MOS: variants seen among roughly 807,000 people sequenced by gnomAD.
MOS encodes the protein MOS proto-oncogene, serine/threonine kinase, also known as proto-oncogene serine/threonine-protein kinase mos.
For synonymous variants in MOS, 190 were observed against 205.2 expected (o/e 0.93, Z 0.63); for missense variants, 419 against 459.6 (o/e 0.91, Z 0.81).
rs1201766185 is a variant in MOS, at chr8:56,113,623, C to A, written c.360G>T (p.Val120=). The A allele has an allele frequency of 3.1e-6, 5 of 1,612,834 alleles. No homozygotes were observed. Among genetic ancestry groups the A allele is most frequent in the Non-Finnish European group, 4.2e-6 (5 of 1,179,744 alleles). ...CGGGCGTGCGCGTGCTGGCAGCCAC[C>A]ACGCGCACGATGTTATCGTGGCGCA... ...ARLRHDNIVR[V]VAASTRTPAG... Residue 120 remains valine, a synonymous_variant, in exon 1 of 1, where the codon GTG becomes GTT. Transcript: ENST00000311923. This position sits in a 1 kb window ranked among gnomAD's most constrained non-coding sequence, Gnocchi z 5.7.
chr8:56,113,762 A>C lies in MOS; in HGVS notation c.221T>G (p.Val74Gly), dbSNP rs747386334. ...AACACCGCGGTAAGTCGCCTTGTACACCGAGCCAAACCCTCCAGCTCCCAG... is the reference window on the plus strand; with the variant it reads ...AACACCGCGGTAAGTCGCCTTGTACCCCGAGCCAAACCCTCCAGCTCCCAG... ...QRLGAGGFGS[V>G]YKATYRGVPV... The change falls in exon 1 of 1, where the codon GTG becomes GGG. Residue 74 changes from valine to glycine, a missense_variant. Coordinates refer to ENST00000311923, the MANE Select transcript of MOS (RefSeq NM_005372.1). The surrounding 1 kb of genome is among the most constrained non-coding windows in gnomAD (Gnocchi z 5.7). The C allele has an allele frequency of 4.3e-6, 7 of 1,613,692 alleles. No individual in the cohort carries two copies. The Admixed American group carries it at 6.7e-5, about 15-fold the overall frequency.
Position 56,113,924 on chromosome 8 carries a change from T to C in MOS, c.59A>G (p.Asp20Gly), listed in dbSNP as rs1585745158. 6.3e-7 allele frequency: 1 copy of C among 1,579,210 alleles called. No individual in the cohort carries two copies. The highest frequency in any genetic ancestry group is 8.5e-7 in the Non-Finnish European group (1 of 1,169,980). Reference sequence around the variant, plus strand: ...TGAGGGACTGCTGCAGGGCCGCGCGTCCACCGATGGGGAAAACTCGCTCCG... The same window carrying C: ...TGAGGGACTGCTGCAGGGCCGCGCGCCCACCGATGGGGAAAACTCGCTCCG... ...YLRSEFSPSV[D>G]ARPCSSPSEL... is the part of the protein sequence containing the mutation. Residue 20 changes from aspartate (D) to glycine (G), a missense_variant, in exon 1 of 1, where the codon GAC becomes GGC. Transcript: ENST00000311923. This position sits in a 1 kb window ranked among gnomAD's most constrained non-coding sequence, Gnocchi z 5.7.
At position 56,113,043 on chromosome 8, in the gene MOS, C is replaced by A; in HGVS notation, c.940G>T (p.Gly314Trp). 1 of 1,597,746 alleles carries A rather than the reference C, an allele frequency of 6.3e-7. No individual in the cohort carries two copies. Among genetic ancestry groups the A allele is most frequent in the Non-Finnish European group, 8.5e-7 (1 of 1,172,130 alleles). ...FEDSLPGQRL[G>W]DVIQRCWRPS... The stretch of plus-strand genomic sequence containing the variant: ...CTCCAGCAGCGCTGGATGACGTCCC[C>A]AAGGCGCTGCCCGGGGAGCGAGTCC... The change falls in exon 1 of 1, where the codon GGG becomes TGG. Residue 314 changes from glycine to tryptophan, a missense_variant. Gly to Trp is a radical substitution (Grantham distance 184, BLOSUM62 -2). Coordinates refer to ENST00000311923, the MANE Select transcript of MOS (RefSeq NM_005372.1). The surrounding 1 kb of genome is among the most constrained non-coding windows in gnomAD (Gnocchi z 5.7).
In MOS at chr8:56,113,438, GAGT is replaced by G. The variant is rs777366450; in HGVS notation, c.542_544del (p.Tyr181del). The G allele has an allele frequency of 4.3e-6, 7 of 1,613,984 alleles. No individual in the cohort carries two copies. Among genetic ancestry groups the G allele is most frequent in the Non-Finnish European group, 5.1e-6 (6 of 1,180,030 alleles). ...GAGCAGGCCGTTCACAACATCTAGT[GAGT>G]ACTTGAGACACTTTCCCAAACTTAA... On this transcript the variant is annotated inframe_deletion, in exon 1 of 1. Transcript: ENST00000311923. The surrounding 1 kb of genome is among the most constrained non-coding windows in gnomAD (Gnocchi z 5.7).
chr8:56,113,123 A>G lies in MOS; in HGVS notation c.860T>C (p.Leu287Pro). 6.2e-7 allele frequency: 1 copy of G among 1,613,928 alleles called. No individual in the cohort carries two copies. Among genetic ancestry groups the G allele is most frequent in the Non-Finnish European group, 8.5e-7 (1 of 1,179,982 alleles). ...APYSGERQHI[L>P]YAVVAYDLRP... ...CAGGTCGTAGGCCACCACCGCGTAC[A>G]GTATGTGCTGCCGCTCCCCCGAATA... Residue 287 changes from leucine (L) to proline (P), a missense_variant, in exon 1 of 1, where the codon CTG becomes CCG. Transcript: ENST00000311923. The surrounding 1 kb of genome is among the most constrained non-coding windows in gnomAD (Gnocchi z 5.7).
chr8:56,113,839 G>C lies in MOS; in HGVS notation c.144C>G (p.Arg48=). Residue 48 remains arginine (R), a synonymous_variant, in exon 1 of 1, where the codon CGC becomes CGG. Transcript: ENST00000311923. This position sits in a 1 kb window ranked among gnomAD's most constrained non-coding sequence, Gnocchi z 5.7. Reference sequence around the variant, plus strand: ...AGTCAATGGAGCACCAGGCCAGCCGGCGCGGCAGCCGCGGGGCCCGAGGAA... The same window carrying C: ...AGTCAATGGAGCACCAGGCCAGCCGCCGCGGCAGCCGCGGGGCCCGAGGAA... ...ATLPRAPRLP[R]RLAWCSIDWE... 1.2e-6 allele frequency: 2 copies of C among 1,609,858 alleles called. No individual in the cohort carries two copies. Among genetic ancestry groups the C allele is most frequent in the South Asian group, 2.2e-5 (2 of 90,584 alleles).
In MOS at chr8:56,113,242, G is replaced by T; in HGVS notation, c.741C>A (p.Ala247=). The T allele has an allele frequency of 1.2e-6, 2 of 1,613,916 alleles. No homozygotes were observed. The highest frequency in any genetic ancestry group is 1.7e-6 in the Non-Finnish European group (2 of 1,180,012). The change falls in exon 1 of 1, where the codon GCC becomes GCA. Residue 247 remains alanine, a synonymous_variant. Transcript: ENST00000311923. The surrounding 1 kb of genome is among the most constrained non-coding windows in gnomAD (Gnocchi z 5.7). The stretch of plus-strand genomic sequence containing the variant: ...CGCCCTCTCCTTTCAGGAGCTCCGG[G>T]GCGCGGTGGGTGTATGTGCCTCCTA... ...YPLGGTYTHR[A]PELLKGEGVT...
Position 56,113,466 on chromosome 8 carries a change from A to G in MOS, c.517T>C (p.Leu173=). The G allele has an allele frequency of 6.2e-7, 1 of 1,613,858 alleles. No homozygotes were observed. Among genetic ancestry groups the G allele is most frequent in the Non-Finnish European group, 8.5e-7 (1 of 1,179,964 alleles). ...TACTTGAGACACTTTCCCAAACTTA[A>G]CTGTCCTCCAGTGCGGCAGTGAGGC... ...GEPHCRTGGQ[L]SLGKCLKYSL... is the part of the protein sequence containing the mutation. Residue 173 remains leucine, a synonymous_variant, in exon 1 of 1, where the codon TTA becomes CTA. Transcript: ENST00000311923. This position sits in a 1 kb window ranked among gnomAD's most constrained non-coding sequence, Gnocchi z 5.7.
Position 56,113,154 on chromosome 8 carries a change from C to G in MOS, c.829G>C (p.Ala277Pro). Residue 277 changes from alanine (A) to proline (P), a missense_variant, in exon 1 of 1, where the codon GCG becomes CCG. Physicochemically the swap from Ala to Pro is conservative, Grantham distance 27 (BLOSUM62 -1). Transcript: ENST00000311923. This position sits in a 1 kb window ranked among gnomAD's most constrained non-coding sequence, Gnocchi z 5.7. ...TGCTGCCGCTCCCCCGAATACGGCG[C>G]CTGCTTGGTAGTCATTTGCCAGAGA... The part of the protein sequence containing the change: ...ITLWQMTTKQ[A>P]PYSGERQHIL... The G allele has an allele frequency of 6.2e-7, 1 of 1,614,074 alleles. No individual in the cohort carries two copies. The highest frequency in any genetic ancestry group is 8.5e-7 in the Non-Finnish European group (1 of 1,180,026).
chr8:56,113,947 C>G lies in MOS; in HGVS notation c.36G>C (p.Arg12=), dbSNP rs751752878. Residue 12 remains arginine, a synonymous_variant, in exon 1 of 1, where the codon CGG becomes CGC. Coordinates refer to ENST00000311923, the MANE Select transcript of MOS (RefSeq NM_005372.1). This position sits in a 1 kb window ranked among gnomAD's most constrained non-coding sequence, Gnocchi z 5.7. ...PSPLALRPYL[R]SEFSPSVDAR... is the part of the protein sequence containing the mutation. ...CGTCCACCGATGGGGAAAACTCGCT[C>G]CGGAGGTAGGGGCGTAGGGCCAGGG... is the stretch of plus-strand genomic sequence containing the variant. The G allele has an allele frequency of 6.4e-7, 1 of 1,574,742 alleles. No individual in the cohort carries two copies. Among genetic ancestry groups the G allele is most frequent in the Non-Finnish European group, 8.6e-7 (1 of 1,167,768 alleles).
Position 56,113,791 on chromosome 8 carries a change from C to T in MOS, c.192G>A (p.Gln64=), listed in dbSNP as rs770548101. 2 of 1,613,840 alleles carry T rather than the reference C, an allele frequency of 1.2e-6. No individual in the cohort carries two copies. Among genetic ancestry groups the T allele is most frequent in the South Asian group, 2.2e-5 (2 of 91,050 alleles). The change falls in exon 1 of 1, where the codon CAG becomes CAA. Residue 64 remains glutamine (Q), a synonymous_variant. Transcript: ENST00000311923. This position sits in a 1 kb window ranked among gnomAD's most constrained non-coding sequence, Gnocchi z 5.7. ...SIDWEQVCLL[Q]RLGAGGFGSV... ...AGCCAAACCCTCCAGCTCCCAGCCT[C>T]TGCAGCAAGCACACCTGCTCCCAGT...
chr8:56,113,346 C>T lies in MOS; in HGVS notation c.637G>A (p.Asp213Asn), dbSNP rs372217648. Residue 213 changes from aspartate to asparagine, a missense_variant, in exon 1 of 1, where the codon GAT becomes AAT. Coordinates refer to ENST00000311923, the MANE Select transcript of MOS (RefSeq NM_005372.1). The surrounding 1 kb of genome is among the most constrained non-coding windows in gnomAD (Gnocchi z 5.7). ...KPANILISEQDVCKISDFGCS... is the reference protein window; with the variant it reads ...KPANILISEQNVCKISDFGCS... ...CCGAAGTCACTAATTTTACAGACAT[C>T]CTGCTCACTGATCAAGATGTTCGCG... The T allele has an allele frequency of 4.6e-5, 75 of 1,613,996 alleles. No homozygotes were observed. Among genetic ancestry groups the T allele is most frequent in the African/African-American group, 3.1e-4 (23 of 74,924 alleles).
Position 56,113,932 on chromosome 8 carries a change from T to A in MOS, c.51A>T (p.Pro17=). 1 of 1,577,630 alleles carries A rather than the reference T, an allele frequency of 6.3e-7. No homozygotes were observed. The highest frequency in any genetic ancestry group is 8.6e-7 in the Non-Finnish European group (1 of 1,169,336). The change falls in exon 1 of 1, where the codon CCA becomes CCT. Residue 17 remains proline, a synonymous_variant. Transcript: ENST00000311923. The surrounding 1 kb of genome is among the most constrained non-coding windows in gnomAD (Gnocchi z 5.7). Reference sequence around the variant, plus strand: ...TGCTGCAGGGCCGCGCGTCCACCGATGGGGAAAACTCGCTCCGGAGGTAGG... The same window carrying A: ...TGCTGCAGGGCCGCGCGTCCACCGAAGGGGAAAACTCGCTCCGGAGGTAGG... ...LRPYLRSEFS[P]SVDARPCSSP... is the part of the protein sequence containing the mutation.
In MOS at chr8:56,113,641, G is replaced by A. The variant is rs200951438; in HGVS notation, c.342C>T (p.His114=). 2.2e-5 allele frequency: 36 copies of A among 1,613,388 alleles called. No individual in the cohort carries two copies. The highest frequency in any genetic ancestry group is 3.4e-6 in the Non-Finnish European group (4 of 1,179,778). ...WAELNVARLR[H]DNIVRVVAAS... is the part of the protein sequence containing the mutation. ...CAGCCACCACGCGCACGATGTTATCGTGGCGCAGCCTTGCTACGTTGAGCT... is the reference window on the plus strand; with the variant it reads ...CAGCCACCACGCGCACGATGTTATCATGGCGCAGCCTTGCTACGTTGAGCT... The change falls in exon 1 of 1, where the codon CAC becomes CAT. Residue 114 remains histidine, a synonymous_variant. Transcript: ENST00000311923. The surrounding 1 kb of genome is among the most constrained non-coding windows in gnomAD (Gnocchi z 5.7).
At position 56,113,095 on chromosome 8, in the gene MOS, G is replaced by A; in HGVS notation, c.888C>T (p.Arg296=). The part of the protein sequence containing the change: ...ILYAVVAYDL[R]PSLSAAVFED... ...CGAAGACGGCAGCGGAGAGGGACGG[G>A]CGCAGGTCGTAGGCCACCACCGCGT... Residue 296 remains arginine, a synonymous_variant, in exon 1 of 1, where the codon CGC becomes CGT. Transcript: ENST00000311923. The surrounding 1 kb of genome is among the most constrained non-coding windows in gnomAD (Gnocchi z 5.7). 6.2e-7 allele frequency: 1 copy of A among 1,611,262 alleles called. No homozygotes were observed. Among genetic ancestry groups the A allele is most frequent in the Non-Finnish European group, 8.5e-7 (1 of 1,178,492 alleles).
Position 56,113,807 on chromosome 8 carries a change from T to G in MOS, c.176A>C (p.Gln59Pro). 6.2e-7 allele frequency: 1 copy of G among 1,613,146 alleles called. No homozygotes were observed. The highest frequency in any genetic ancestry group is 1.7e-4 in the Middle Eastern group (1 of 6,058). ...RLAWCSIDWEQVCLLQRLGAG... is the reference protein window; with the variant it reads ...RLAWCSIDWEPVCLLQRLGAG... Reference sequence around the variant, plus strand: ...TCCCAGCCTCTGCAGCAAGCACACCTGCTCCCAGTCAATGGAGCACCAGGC... The same window carrying G: ...TCCCAGCCTCTGCAGCAAGCACACCGGCTCCCAGTCAATGGAGCACCAGGC... Residue 59 changes from glutamine (Q) to proline (P), a missense_variant, in exon 1 of 1, where the codon CAG becomes CCG. By Grantham distance (76) the Gln-to-Pro change is moderately conservative (BLOSUM62 -1). Transcript: ENST00000311923. This position sits in a 1 kb window ranked among gnomAD's most constrained non-coding sequence, Gnocchi z 5.7.
chr8:56,113,875 C>T lies in MOS; in HGVS notation c.108G>A (p.Leu36=), dbSNP rs1810535629. Reference sequence around the variant, plus strand: ...GCGGGGCCCGAGGAAGAGTGGCCCCCAGAAGCAGCTTCGCAGGTAGCTCTG... The same window carrying T: ...GCGGGGCCCGAGGAAGAGTGGCCCCTAGAAGCAGCTTCGCAGGTAGCTCTG... ...SPSELPAKLL[L]GATLPRAPRL... is the part of the protein sequence containing the mutation. The change falls in exon 1 of 1, where the codon CTG becomes CTA. Residue 36 remains leucine (L), a synonymous_variant. Coordinates refer to ENST00000311923, the MANE Select transcript of MOS (RefSeq NM_005372.1). The surrounding 1 kb of genome is among the most constrained non-coding windows in gnomAD (Gnocchi z 5.7). 1.9e-6 allele frequency: 3 copies of T among 1,600,394 alleles called. No homozygotes were observed. Among genetic ancestry groups the T allele is most frequent in the Admixed American group, 3.7e-5 (2 of 54,042 alleles).
Position 56,113,382 on chromosome 8 carries a change from C to G in MOS, c.601G>C (p.Asp201His). 6.2e-7 allele frequency: 1 copy of G among 1,614,128 alleles called. No individual in the cohort carries two copies. The highest frequency in any genetic ancestry group is 8.5e-7 in the Non-Finnish European group (1 of 1,180,028). ...FLHSQSIVHL[D>H]LKPANILISE... ...ATCAAGATGTTCGCGGGCTTCAGGT[C>G]CAAGTGCACAATGCTTTGCGAGTGG... Residue 201 changes from aspartate (D) to histidine (H), a missense_variant, in exon 1 of 1, where the codon GAC becomes CAC. By Grantham distance (81) the Asp-to-His change is moderately conservative. Coordinates refer to ENST00000311923, the MANE Select transcript of MOS (RefSeq NM_005372.1). The surrounding 1 kb of genome is among the most constrained non-coding windows in gnomAD (Gnocchi z 5.7).
rs1257336364 is a variant in MOS at position 56,113,187 on chromosome 8, C to T, written c.796G>A (p.Ala266Thr). 6.2e-7 allele frequency: 1 copy of T among 1,613,912 alleles called. No homozygotes were observed. Among genetic ancestry groups the T allele is most frequent in the Non-Finnish European group, 8.5e-7 (1 of 1,180,054 alleles). Reference protein sequence around the residue: ...VTPKADIYSFAITLWQMTTKQ... With the variant: ...VTPKADIYSFTITLWQMTTKQ... The stretch of plus-strand genomic sequence containing the variant: ...GTAGTCATTTGCCAGAGAGTGATGG[C>T]AAAGGAATAAATGTCGGCTTTAGGC... Residue 266 changes from alanine (A) to threonine (T), a missense_variant, in exon 1 of 1, where the codon GCC (alanine) becomes ACC (threonine). By Grantham distance (58) the Ala-to-Thr change is moderately conservative (BLOSUM62 0). Coordinates refer to ENST00000311923, the MANE Select transcript of MOS (RefSeq NM_005372.1). The surrounding 1 kb of genome is among the most constrained non-coding windows in gnomAD (Gnocchi z 5.7).
Sources: allele counts gnomAD v4.1 joint callset, GRCh38; gene constraint gnomAD v4.1.1; non-coding constraint Gnocchi (gnomAD v3.1); transcripts MANE v1.5; gene names NCBI Gene and HGNC (gene_info 2026-07-23, HGNC 2026-07-21).